MB21D2: variants seen among roughly 807,000 people sequenced by gnomAD.
The protein encoded by MB21D2 is nucleotidyltransferase MB21D2.
Under a neutral mutation model 33.3 loss-of-function variants are expected in MB21D2, and 9 were observed. The ratio of observed to expected loss-of-function variants is 0.27; its 90% confidence interval spans 0.16 to 0.47. The LOEUF (loss-of-function observed/expected upper bound fraction) is 0.47, where lower values mean the gene tolerates loss of function less well. Among genes scored for constraint, MB21D2 ranks in the 20% least tolerant of loss-of-function variants. The pLI is 0.99. For missense variants in MB21D2, 540 were observed against 624.6 expected, an observed-to-expected ratio of 0.86 and a Z score of 1.44; for synonymous variants, 241 against 236.3, an observed-to-expected ratio of 1.02 and a Z score of -0.18.
At chr3:192,839,193 C>T (rs570933191) in intron 1 of MB21D2, among the ~76,000 whole-genome samples, 338 of 152,270 alleles carry the variant, frequency 2.2e-3, no homozygotes, top group African/African-American at 7.7e-3. Context: ...CAATTACTAG[C>T]ATGCTTATAA....
chr3:192,888,362 AAGGTTAAACGC>A (rs1713778349), intron 1 of MB21D2, among the ~76,000 whole-genome samples: 2 of 152,276 alleles, frequency 1.3e-5, no homozygotes, highest in South Asian at 4.1e-4. Flanking sequence ...AAACTATAAG[AAGGTTAAACGC>A]AGTATATCTT....
intron 1 of MB21D2, among the ~76,000 whole-genome samples, chr3:192,829,033 T>C (rs1712255698): frequency 1.3e-5 from 2 of 152,098 alleles, no homozygotes; most frequent in Non-Finnish European, 2.9e-5. Flanking sequence ...AGACAGAATA[T>C]TTCCATCACC....
intron 1 of MB21D2, among the ~76,000 whole-genome samples, chr3:192,873,759 G>C (rs1265149370): frequency 6.6e-6 from 1 of 152,066 alleles, no homozygotes; most frequent in East Asian, 1.9e-4. Context: ...CTGGAGTACA[G>C]TGGGGAAGTC....
intron 1 of MB21D2, among the ~76,000 whole-genome samples, chr3:192,910,278 C>T (rs1175528251): frequency 2.0e-5 from 2 of 98,684 alleles, no homozygotes; most frequent in East Asian, 5.7e-4. Context: ...CCAGCCTGGG[C>T]AACAAGACCA....
chr3:192,912,110 A>G (rs1326918514), intron 1 of MB21D2, among the ~76,000 whole-genome samples: 1 of 152,180 alleles, frequency 6.6e-6, no homozygotes, highest in African/African-American at 2.4e-5. Flanking sequence ...CACACCAAGC[A>G]TTTACATCTT....
intron 1 of MB21D2, among the ~76,000 whole-genome samples, chr3:192,869,203 C>T (rs552724122): frequency 3.3e-5 from 5 of 149,308 alleles, no homozygotes; most frequent in Non-Finnish European, 5.9e-5. Flanking sequence ...CTGCAGTGAG[C>T]CAAGATGGAG....
At chr3:192,845,536 A>G (rs1190151144) in intron 1 of MB21D2, among the ~76,000 whole-genome samples, 1 of 152,238 alleles carries the variant, frequency 6.6e-6, no homozygotes, top group Admixed American at 6.5e-5. Flanking sequence ...CACAAAGGTG[A>G]GCAAATCCTC....
chr3:192,874,931 G>A (rs1713395272), intron 1 of MB21D2, among the ~76,000 whole-genome samples: 1 of 151,786 alleles, frequency 6.6e-6, no homozygotes, highest in South Asian at 2.1e-4. Context: ...TAGGTCTAGG[G>A]GTGCTTTACA....
Position 192,799,532 on chromosome 3 carries a change from C to T in MB21D2, c.330G>A (p.Arg110=), listed in dbSNP as rs763605751. The change falls in exon 2 of 2, where the codon CGG becomes CGA. Residue 110 remains arginine (R), a synonymous_variant. Transcript: ENST00000392452. This position sits in a 1 kb window ranked among gnomAD's most constrained non-coding sequence, Gnocchi z 4.1. The part of the protein sequence containing the change: ...LDLDELNVYA[R]GTDYDMDFTL... ...TAAAGTCCATATCATAGTCAGTACC[C>T]CGGGCATAGACATTAAGCTCATCTA... 4 of 1,614,088 alleles carry T rather than the reference C, an allele frequency of 2.5e-6. No homozygotes were observed. The highest frequency in any genetic ancestry group is 3.4e-6 in the Non-Finnish European group (4 of 1,180,050).
chr3:192,849,023 A>C (rs183237701), intron 1 of MB21D2, among the ~76,000 whole-genome samples: 6 of 152,264 alleles, frequency 3.9e-5, no homozygotes, highest in Admixed American at 2.6e-4. Context: ...TCATCTGTCT[A>C]TTCTAATTGT....
At chr3:192,814,472 C>T (rs889398752) in intron 1 of MB21D2, among the ~76,000 whole-genome samples, 2 of 152,246 alleles carry the variant, frequency 1.3e-5, no homozygotes, top group East Asian at 1.9e-4. Flanking sequence ...CCAGCCAAAG[C>T]CCTCTGCAGA....
At chr3:192,882,674 C>T (rs1411270919) in intron 1 of MB21D2, among the ~76,000 whole-genome samples, 1 of 151,694 alleles carries the variant, frequency 6.6e-6, no homozygotes, top group Non-Finnish European at 1.5e-5. Flanking sequence ...AATTTCTCTG[C>T]CTGGTAGAAC....
chr3:192,907,382 C>T (rs1714236272), intron 1 of MB21D2, among the ~76,000 whole-genome samples: 2 of 152,166 alleles, frequency 1.3e-5, no homozygotes, highest in African/African-American at 2.4e-5. Context: ...AATGAAACCT[C>T]GCATCCCTCC....
chr3:192,906,637 C>T (rs917199588), intron 1 of MB21D2, among the ~76,000 whole-genome samples: 2 of 152,198 alleles, frequency 1.3e-5, no homozygotes. Flanking sequence ...CAGCTGCCCA[C>T]CATCATCATA....
intron 1 of MB21D2, among the ~76,000 whole-genome samples, chr3:192,881,200 GC>G (rs1402870825): frequency 6.6e-6 from 1 of 151,994 alleles, no homozygotes; most frequent in Non-Finnish European, 1.5e-5. Flanking sequence ...TAAAACAAAA[GC>G]ATCCTTTATC....
chr3:192,916,975 A>C (rs578171409), intron 1 of MB21D2, among the ~76,000 whole-genome samples: 9 of 152,236 alleles, frequency 5.9e-5, no homozygotes, highest in East Asian at 1.9e-4. Flanking sequence ...AGCCCTGAAG[A>C]AGCACCGGAA....
intron 1 of MB21D2, among the ~76,000 whole-genome samples, chr3:192,872,582 A>G (rs2108638626): frequency 6.6e-6 from 1 of 152,238 alleles, no homozygotes; most frequent in South Asian, 2.1e-4. Flanking sequence ...TCTCAAAAAA[A>G]AAAAAAAAAG....
intron 1 of MB21D2, among the ~76,000 whole-genome samples, chr3:192,856,302 G>A (rs1712914722): frequency 6.6e-6 from 1 of 152,088 alleles, no homozygotes; most frequent in African/African-American, 2.4e-5. Flanking sequence ...TTAAAATCCA[G>A]CTGCAATTCT....
chr3:192,865,533 G>A (rs1223807481), intron 1 of MB21D2, among the ~76,000 whole-genome samples: 1 of 152,206 alleles, frequency 6.6e-6, no homozygotes, highest in Non-Finnish European at 1.5e-5. Flanking sequence ...ACAAGTAAGA[G>A]ACATTTCAGA....
Sources: allele counts gnomAD v4.1 joint callset (sites outside exome capture counted in the v4.1 genomes callset), GRCh38; gene constraint gnomAD v4.1.1; non-coding constraint Gnocchi (gnomAD v3.1); transcripts MANE v1.5; gene names NCBI Gene and HGNC (gene_info 2026-07-23, HGNC 2026-07-21).